MYRIP: variants seen among roughly 807,000 people sequenced by gnomAD.
The protein encoded by MYRIP is myosin VIIA and Rab interacting protein, also known as rab effector MyRIP.
Under a neutral mutation model 98.0 loss-of-function variants are expected in MYRIP, and 49 were observed. The ratio of observed to expected loss-of-function variants is 0.50; its 90% CI spans 0.40 to 0.63. The LOEUF (loss-of-function observed/expected upper bound fraction) is 0.63. Ranked by LOEUF, MYRIP falls within the 30% of genes least tolerant of loss-of-function variation. MYRIP has a pLI of 0.00. For missense variants in MYRIP, 1,004 were observed against 1,058.2 expected, an observed-to-expected ratio of 0.95 and a Z score of 0.71; for synonymous variants, 404 against 409.5, an observed-to-expected ratio of 0.99 and a Z score of 0.16.
intron 12 of MYRIP, among the ~76,000 whole-genome samples, chr3:40,234,432 C>T (rs1952763667): frequency 6.6e-6 from 1 of 152,164 alleles, no homozygotes; most frequent in South Asian, 2.1e-4. Context: ...AAGAACTGGC[C>T]CGTCCTACAA....
intron 1 of MYRIP, among the ~76,000 whole-genome samples, chr3:39,857,823 T>G (rs1201697176): frequency 6.6e-6 from 1 of 152,092 alleles, no homozygotes; most frequent in Non-Finnish European, 1.5e-5. Context: ...TAAAATAGGA[T>G]ATTATAGCTA....
At chr3:40,084,355 C>CTATAATACACATCTATGTATTATATATT (rs1559393647) in intron 3 of MYRIP, among the ~76,000 whole-genome samples, 3 of 68,042 alleles carry the variant, frequency 4.4e-5, no homozygotes, top group African/African-American at 1.8e-4. Context: ...TATTATATAT[C>CTATAATACACATCTATGTATTATATATT]GATAGATAAT....
chr3:40,133,402 GACCA>G (rs534737760), intron 3 of MYRIP, among the ~76,000 whole-genome samples: 60 of 152,310 alleles, frequency 3.9e-4, no homozygotes, highest in Admixed American at 1.0e-3. Context: ...GAATGCATGG[GACCA>G]ATCATGGGCC....
chr3:40,002,678 T>G (rs1464510611), intron 2 of MYRIP, among the ~76,000 whole-genome samples: 1 of 152,046 alleles, frequency 6.6e-6, no homozygotes, highest in Non-Finnish European at 1.5e-5. Context: ...CAGCCCGAGG[T>G]ATGTTTAAGG....
intron 2 of MYRIP, among the ~76,000 whole-genome samples, chr3:39,945,476 C>CAAAAAAAAAAAAAAAAAAAAA (rs67748992): frequency 1.5e-5 from 1 of 65,210 alleles, no homozygotes. Flanking sequence ...GACTCCATCT[C>CAAAAAAAAAAAAAAAAAAAAA]AAAAAAAAAA....
intron 3 of MYRIP, chr3:40,100,355 T>C (rs1408883117): frequency 1.0e-5 from 9 of 872,548 alleles, no homozygotes; most frequent in Middle Eastern, 6.0e-4. Flanking sequence ...ATTGTTTTCA[T>C]TGATGTTTTG....
At chr3:40,242,789 T>A (rs1451120073) in intron 12 of MYRIP, among the ~76,000 whole-genome samples, 1 of 151,958 alleles carries the variant, frequency 6.6e-6, no homozygotes, top group Non-Finnish European at 1.5e-5. Context: ...GGAAAAGTAT[T>A]AAAAAAGTAT....
At chr3:39,851,367 G>A (rs1347935710) in intron 1 of MYRIP, among the ~76,000 whole-genome samples, 2 of 152,142 alleles carry the variant, frequency 1.3e-5, no homozygotes, top group African/African-American at 4.8e-5. Flanking sequence ...TATAGTTCCT[G>A]CTGAGAATCA....
At chr3:39,981,278 C>A (rs572116217) in intron 2 of MYRIP, among the ~76,000 whole-genome samples, 5 of 152,240 alleles carry the variant, frequency 3.3e-5, no homozygotes, top group African/African-American at 1.2e-4. Context: ...AAAACATTGC[C>A]AAATATAGTG....
At chr3:39,911,450 T>C (rs115765203) in intron 2 of MYRIP, among the ~76,000 whole-genome samples, 2,233 of 152,302 alleles carry the variant, frequency 0.015, 17 homozygotes, top group Non-Finnish European at 0.026. Flanking sequence ...AAGTTCCTGA[T>C]CTTATTTACT....
chr3:40,080,311 C>T (rs1393469206), intron 3 of MYRIP, among the ~76,000 whole-genome samples: 2 of 152,028 alleles, frequency 1.3e-5, no homozygotes, highest in Non-Finnish European at 2.9e-5. Flanking sequence ...TTATACTCTG[C>T]TTATATTTAT....
intron 3 of MYRIP, among the ~76,000 whole-genome samples, chr3:40,057,538 T>G (rs1012069102): frequency 1.3e-5 from 2 of 152,166 alleles, no homozygotes; most frequent in Admixed American, 1.3e-4. Flanking sequence ...CCATATGCCT[T>G]GGTAACTCCC....
chr3:40,200,436 A>G (rs1188041859), intron 10 of MYRIP, among the ~76,000 whole-genome samples: 1 of 152,142 alleles, frequency 6.6e-6, no homozygotes, highest in East Asian at 1.9e-4. Flanking sequence ...AAAGTTTTAT[A>G]TTCAATCTTG....
chr3:40,048,619 T>G (rs1207120290), intron 3 of MYRIP, among the ~76,000 whole-genome samples: 1 of 152,196 alleles, frequency 6.6e-6, no homozygotes, highest in Non-Finnish European at 1.5e-5. Flanking sequence ...ACTTTAACTT[T>G]CTTCTTTTCA....
intron 10 of MYRIP, among the ~76,000 whole-genome samples, chr3:40,204,164 T>C (rs376655087): frequency 0.76 from 21,417 of 28,146 alleles, 7,947 homozygotes; most frequent in East Asian, 0.88. Context: ...ATATATAATA[T>C]AATATTTATA....
In MYRIP at chr3:40,040,993, AG is replaced by A. The variant is rs1267404863; in HGVS notation, c.111-3056del. Among the ~76,000 whole-genome samples the A allele has an allele frequency of 8.1e-3, 457 of 56,222 alleles. 6 individuals are homozygous for A. Among genetic ancestry groups the A allele is most frequent in the African/African-American group, 0.02 (308 of 15,432 alleles). The allele number at this position is 56,222 out of a possible 152,430, so 36.9% of individuals were successfully genotyped here. A position where few individuals can be genotyped will look rare whatever the true frequency, so the allele number is the denominator to read the frequency against. The stretch of plus-strand genomic sequence containing the variant: ...ACTTAGAGTATAATAAAAAAAAAAA[AG>A]AAAAAAAAAAAGAAAATATTACCAG... On this transcript the variant is annotated intron_variant, in intron 2 of 16. Coordinates refer to ENST00000302541, the MANE Select transcript of MYRIP (RefSeq NM_015460.4).
intron 2 of MYRIP, among the ~76,000 whole-genome samples, chr3:39,979,764 T>C (rs1945844466): frequency 2.0e-5 from 3 of 152,174 alleles, no homozygotes. Flanking sequence ...TTTGATTTCA[T>C]GGCATTTAAT....
chr3:39,991,792 G>T (rs1559551461), intron 2 of MYRIP, among the ~76,000 whole-genome samples: 1 of 152,030 alleles, frequency 6.6e-6, no homozygotes, highest in African/African-American at 2.4e-5. Flanking sequence ...TTTTTCTGTA[G>T]CCCTTATCAC....
intron 2 of MYRIP, among the ~76,000 whole-genome samples, chr3:40,016,962 C>A (rs2125802116): frequency 6.6e-6 from 1 of 152,280 alleles, no homozygotes; most frequent in African/African-American, 2.4e-5. Context: ...ATACAAAGAT[C>A]ACACTCTAAT....
Sources: gnomAD v4.1 joint callset for allele counts (sites outside exome capture counted in the v4.1 genomes callset) on GRCh38, gnomAD v4.1.1 for gene constraint, MANE v1.5 for transcripts, NCBI Gene and HGNC (gene_info 2026-07-23, HGNC 2026-07-21) for gene names.